Variants in FANCA observed in about 807,000 individuals in gnomAD.
The protein encoded by FANCA is Fanconi anemia group A protein.
Under a neutral mutation model 194.3 loss-of-function variants are expected in FANCA, and 236 were observed. The observed-to-expected ratio is 1.21, with a 90% CI of 1.09 to 1.35. FANCA has a LOEUF of 1.35. Among genes scored for constraint, FANCA ranks in the 40% most tolerant of loss-of-function variants. The pLI, the probability that FANCA is intolerant of heterozygous loss-of-function variation, is 0.00. For missense variants in FANCA, 2,628 were observed against 1,813.9 expected, an observed-to-expected ratio of 1.45 and a Z score of -8.15; for synonymous variants, 1,014 against 715.8, an observed-to-expected ratio of 1.42 and a Z score of -6.65.
intron 31 of FANCA, among the ~76,000 whole-genome samples, chr16:89,751,414 G>T (rs549211206): frequency 6.6e-6 from 1 of 152,306 alleles, no homozygotes; most frequent in South Asian, 2.1e-4. Flanking sequence ...CAAGGCTGCA[G>T]AGAGATATGA....
intron 10 of FANCA, among the ~76,000 whole-genome samples, chr16:89,797,568 G>C (rs2040292193): frequency 6.6e-6 from 1 of 152,112 alleles, no homozygotes; most frequent in African/African-American, 2.4e-5. Flanking sequence ...AAGACTGTTG[G>C]AGGATGTCTG....
intron 13 of FANCA, 133 bp downstream of exon 13, chr16:89,791,794 A>G (rs2040084557): frequency 1.7e-6 from 2 of 1,183,606 alleles, no homozygotes; most frequent in Middle Eastern, 2.7e-4. Context: ...TTCCATCGAC[A>G]GGAGGCACTG....
Position 89,799,973 on chromosome 16 carries a change from G to A in FANCA, c.793-335C>T, listed in dbSNP as rs17232386. Reference sequence around the variant, plus strand: ...AGTGCCACTGCAGTCCGGCCCGGGCGAAAGAGCCAGACTCCGTCTCGGAAA... The same window carrying A: ...AGTGCCACTGCAGTCCGGCCCGGGCAAAAGAGCCAGACTCCGTCTCGGAAA... On this transcript the variant is annotated intron_variant, in intron 8 of 42. Coordinates refer to ENST00000389301, the MANE Select transcript of FANCA (RefSeq NM_000135.4). Among the ~76,000 whole-genome samples the A allele has an allele frequency of 2.0e-3, 301 of 152,254 alleles. 2 individuals carry two copies. The highest frequency in any genetic ancestry group is 4.0e-3 in the Admixed American group (61 of 15,284).
At chr16:89,746,396 G>A (rs2038390817) in intron 35 of FANCA, among the ~76,000 whole-genome samples, 188 bp downstream of exon 35, 1 of 152,142 alleles carries the variant, frequency 6.6e-6, no homozygotes, top group Non-Finnish European at 1.5e-5. Flanking sequence ...ACGGTTCTGG[G>A]AACTCAGGAT....
chr16:89,760,135 A>G (rs1057293612), intron 29 of FANCA, among the ~76,000 whole-genome samples: 3 of 152,252 alleles, frequency 2.0e-5, no homozygotes. Flanking sequence ...ACTTCCACGC[A>G]GCGGTGACCT....
At chr16:89,788,879 A>G (rs2039979097) in intron 14 of FANCA, among the ~76,000 whole-genome samples, 1 of 152,194 alleles carries the variant, frequency 6.6e-6, no homozygotes, top group Admixed American at 6.5e-5. Context: ...CATTTAAACT[A>G]TATTTTGATA....
chr16:89,783,152 G>T, intron 15 of FANCA, 50 bp from the exon 16 acceptor site: 2 of 1,397,420 alleles, frequency 1.4e-6, no homozygotes, highest in South Asian at 2.3e-5. Flanking sequence ...AACTGCCTGG[G>T]ACTCCAGGGA....
At chr16:89,799,303 G>C in intron 9 of FANCA, 71 bp from the exon 10 acceptor site, 1 of 1,582,050 alleles carries the variant, frequency 6.3e-7, no homozygotes, top group Non-Finnish European at 8.6e-7. Context: ...CAATCCCCAG[G>C]CGCTTTCAGA....
intron 38 of FANCA, chr16:89,740,502 G>A (rs2062102744): frequency 2.1e-6 from 1 of 485,908 alleles, no homozygotes; most frequent in Non-Finnish European, 3.7e-6. Flanking sequence ...GGGTGTGACA[G>A]ACTCACGCCT....
rs772437150 is a variant in FANCA at position 89,808,383 on chromosome 16, AAAC to A, written c.523-19_523-17del. 1.2e-6 allele frequency: 2 copies of A among 1,613,292 alleles called. No homozygotes were observed. The highest frequency in any genetic ancestry group is 1.3e-5 in the African/African-American group (1 of 74,852). Reference sequence around the variant, plus strand: ...ACAAAGAACTCTGAAAAACAAAACAAAACAAACAAAAACAAAAACAAAAAAACC... The same window carrying A: ...ACAAAGAACTCTGAAAAACAAAACAAAAACAAAAACAAAAACAAAAAAACC... On this transcript the variant is annotated splice_polypyrimidine_tract_variant and intron_variant, in intron 5 of 42. Coordinates refer to ENST00000389301, the MANE Select transcript of FANCA (RefSeq NM_000135.4).
intron 8 of FANCA, among the ~76,000 whole-genome samples, chr16:89,800,453 A>G (rs1026931988): frequency 6.6e-6 from 1 of 152,224 alleles, no homozygotes; most frequent in African/African-American, 2.4e-5. Flanking sequence ...GAACCTCCAA[A>G]AGGGAATAAA....
rs373787342 is a variant in FANCA at position 89,816,616 on chromosome 16, G to C, written c.-1C>G. ...AGTTCGGGACCCACGAGTCGGACAT[G>C]GCCTTGGCGCCTACAGCCCCGGCGG... On this transcript the variant is annotated 5_prime_UTR_variant, in exon 1 of 43. Coordinates refer to ENST00000389301, the MANE Select transcript of FANCA (RefSeq NM_000135.4). 6.6e-7 allele frequency: 1 copy of C among 1,523,620 alleles called. No homozygotes were observed. The highest frequency in any genetic ancestry group is 2.5e-5 in the East Asian group (1 of 39,232). The allele number at this position is 1,523,620 out of a possible 1,614,324, so 94.4% of individuals were successfully genotyped here.
intron 29 of FANCA, among the ~76,000 whole-genome samples, chr16:89,760,914 C>G (rs1295205255): frequency 6.6e-6 from 1 of 152,188 alleles, no homozygotes; most frequent in African/African-American, 2.4e-5. Flanking sequence ...AGGTGTACAG[C>G]TCCCGGACAG....
intron 8 of FANCA, among the ~76,000 whole-genome samples, chr16:89,802,998 G>C (rs1294174857): frequency 6.6e-6 from 1 of 152,178 alleles, no homozygotes; most frequent in Non-Finnish European, 1.5e-5. Context: ...GGCGGCTATA[G>C]TTAACAACAG....
intron 21 of FANCA, among the ~76,000 whole-genome samples, chr16:89,775,364 G>T (rs1247757097): frequency 6.6e-6 from 1 of 152,198 alleles, no homozygotes; most frequent in Non-Finnish European, 1.5e-5. Flanking sequence ...GAAAAGTGCT[G>T]CATGACACTC....
chr16:89,810,862 G>A lies in FANCA; in HGVS notation c.427-60C>T, dbSNP rs1355352651. The stretch of plus-strand genomic sequence containing the variant: ...TTACCTGAAACAATACTAAAGCTAT[G>A]TCCTATTTTCCCAACCAGCTTAAAA... On this transcript the variant is annotated intron_variant, in intron 4 of 42. Coordinates refer to ENST00000389301, the MANE Select transcript of FANCA (RefSeq NM_000135.4). The A allele has an allele frequency of 2.5e-6, 4 of 1,612,356 alleles. No homozygotes were observed. In the African/African-American group the frequency reaches 4.0e-5, roughly 16 times the overall value.
chr16:89,766,714 C>CAA (rs757483046), intron 27 of FANCA, among the ~76,000 whole-genome samples: 7 of 121,184 alleles, frequency 5.8e-5, no homozygotes, highest in Non-Finnish European at 7.2e-5. Flanking sequence ...GACTCCATCT[C>CAA]AAAAAAAAAA....
intron 29 of FANCA, among the ~76,000 whole-genome samples, chr16:89,759,045 G>C (rs914315527): frequency 1.3e-5 from 2 of 152,140 alleles, no homozygotes; most frequent in African/African-American, 2.4e-5. Context: ...GCTGGGGCAG[G>C]TGCAGTGGCT....
At chr16:89,811,132 A>T in intron 3 of FANCA, 61 bp from the exon 4 acceptor site, 1 of 1,609,546 alleles carries the variant, frequency 6.2e-7, no homozygotes, top group Non-Finnish European at 8.5e-7. Flanking sequence ...CTAAAACCAA[A>T]GACTTGCTGT....
Sources: allele counts gnomAD v4.1 joint callset (sites outside exome capture counted in the v4.1 genomes callset), GRCh38; gene constraint gnomAD v4.1.1; transcripts MANE v1.5; gene names NCBI Gene and HGNC (gene_info 2026-07-23, HGNC 2026-07-21).